The following KDM1B variants were observed in gnomAD, a reference collection of about 807,000 sequenced individuals.
KDM1B encodes lysine-specific histone demethylase 2.
In KDM1B, 63 loss-of-function variants were observed where a neutral mutation model predicts 107.4. The observed-to-expected ratio is 0.59, with a 90% CI of 0.48 to 0.72. KDM1B has a LOEUF of 0.72. KDM1B is among the 30% of genes least tolerant of loss of function. The pLI is 0.00. For missense variants in KDM1B, 749 were observed against 1,020.8 expected, an observed-to-expected ratio of 0.73 and a Z score of 3.63; for synonymous variants, 363 against 363.9, an observed-to-expected ratio of 1.00 and a Z score of 0.03.
rs537752989 is a variant in KDM1B at position 18,214,139 on chromosome 6, TATGATTGGTGA to T, written c.2109+359_2109+369del. Among the ~76,000 whole-genome samples the T allele has an allele frequency of 4.0e-4, 61 of 152,046 alleles. No homozygotes were observed. The South Asian group carries it at 0.012, about 31-fold the overall frequency. On this transcript the variant is annotated intron_variant, in intron 19 of 21. Coordinates refer to ENST00000650836, the MANE Select transcript of KDM1B (RefSeq NM_001364614.2). The surrounding 1 kb of genome is among the most constrained non-coding windows in gnomAD (Gnocchi z 4.4). ...TCCTCTAGGGAGCTGGGAAAGGGTGTATGATTGGTGAGGGAGGGTGTGAGTGTCAGCAGATG... is the reference window on the plus strand; with the variant it reads ...TCCTCTAGGGAGCTGGGAAAGGGTGTGGGAGGGTGTGAGTGTCAGCAGATG...
At chr6:18,221,128 TCCC>T (rs1323192808) in intron 21 of KDM1B, among the ~76,000 whole-genome samples, 1 of 152,036 alleles carries the variant, frequency 6.6e-6, no homozygotes, top group Non-Finnish European at 1.5e-5. Context: ...ATGTAATCAC[TCCC>T]CCATTCATTG....
chr6:18,179,454 A>G (rs1203074122), intron 7 of KDM1B, among the ~76,000 whole-genome samples: 4 of 152,014 alleles, frequency 2.6e-5, no homozygotes, highest in African/African-American at 9.7e-5. Context: ...TAGGTTTGAT[A>G]TTACTTCTTT....
chr6:18,164,713 T>G (rs967132479), intron 5 of KDM1B, among the ~76,000 whole-genome samples: 6 of 152,166 alleles, frequency 3.9e-5, no homozygotes, highest in Non-Finnish European at 8.8e-5. Context: ...TGGCGTGATC[T>G]TGGCTCACTG....
chr6:18,195,981 C>T (rs1306299788), intron 10 of KDM1B, among the ~76,000 whole-genome samples: 1 of 152,066 alleles, frequency 6.6e-6, no homozygotes, highest in Non-Finnish European at 1.5e-5. Context: ...ACCAACATCT[C>T]CCCGCTATTC....
At chr6:18,198,104 C>T (rs900242185) in intron 12 of KDM1B, among the ~76,000 whole-genome samples, 18 of 152,036 alleles carry the variant, frequency 1.2e-4, no homozygotes, top group Middle Eastern at 3.4e-3. Context: ...CCGTGTTGGC[C>T]AGGCCGGTCT....
At chr6:18,156,910 C>T (rs926654221) in intron 2 of KDM1B, among the ~76,000 whole-genome samples, 2 of 152,012 alleles carry the variant, frequency 1.3e-5, no homozygotes, top group Non-Finnish European at 2.9e-5. Flanking sequence ...GAGGAAGACT[C>T]CGTCTCAAAA....
intron 7 of KDM1B, among the ~76,000 whole-genome samples, chr6:18,177,700 C>T (rs1407776200): frequency 1.3e-5 from 2 of 152,054 alleles, no homozygotes; most frequent in African/African-American, 4.8e-5. Context: ...TTAGCCACCG[C>T]ACCTGGCACC....
intron 7 of KDM1B, among the ~76,000 whole-genome samples, chr6:18,180,676 C>A (rs1171691441): frequency 6.6e-6 from 1 of 152,106 alleles, no homozygotes; most frequent in African/African-American, 2.4e-5. Context: ...AGCGATTCTC[C>A]CACGTCAGCC....
chr6:18,185,243 G>A (rs1786778287), intron 7 of KDM1B, among the ~76,000 whole-genome samples: 1 of 151,340 alleles, frequency 6.6e-6, no homozygotes, highest in African/African-American at 2.4e-5. Flanking sequence ...GTTGTTATAT[G>A]CCTTTATTTT....
intron 7 of KDM1B, among the ~76,000 whole-genome samples, chr6:18,174,183 G>A (rs1016676642): frequency 6.6e-6 from 1 of 152,180 alleles, no homozygotes; most frequent in Non-Finnish European, 1.5e-5. Context: ...ATGCTCTGCT[G>A]TCATGATTAT....
chr6:18,206,809 C>T (rs535433947), intron 15 of KDM1B, among the ~76,000 whole-genome samples: 3 of 152,170 alleles, frequency 2.0e-5, no homozygotes, highest in East Asian at 1.9e-4. Context: ...ACACTGCTCT[C>T]GAGAAGCCAA....
chr6:18,179,851 T>TAGATA (rs1297671272), intron 7 of KDM1B, among the ~76,000 whole-genome samples: 1 of 10,554 alleles, frequency 9.5e-5, no homozygotes. Flanking sequence ...TTTTTTTTCC[T>TAGATA]TTTTTTTTTT....
rs1582238101 is a variant in KDM1B at position 18,222,519 on chromosome 6, T to C, written c.*527T>C. The C allele has an allele frequency of 5.3e-6, 1 of 187,618 alleles. No homozygotes were observed. The highest frequency in any genetic ancestry group is 1.1e-5 in the Non-Finnish European group (1 of 89,196). The allele number at this position is 187,618 out of a possible 1,614,324, so 11.6% of individuals were successfully genotyped here. ...ACTTTTTTTTGGATACAGCACAAACTCCAGTTGACAGTAAAATGAAGCTTC... is the reference window on the plus strand; with the variant it reads ...ACTTTTTTTTGGATACAGCACAAACCCCAGTTGACAGTAAAATGAAGCTTC... On this transcript the variant is annotated 3_prime_UTR_variant, in exon 22 of 22. Transcript: ENST00000650836.
In KDM1B at chr6:18,221,893, T is replaced by C; in HGVS notation, c.2386-16T>C. On this transcript the variant is annotated splice_polypyrimidine_tract_variant and intron_variant, in intron 21 of 21. Transcript: ENST00000650836. ...ACTCTATGCATGATCTCAAATTATG[T>C]AATTATGTTTTACAGGCAACAAACA... The C allele has an allele frequency of 6.3e-7, 1 of 1,581,686 alleles. No individual in the cohort carries two copies. The highest frequency in any genetic ancestry group is 1.1e-5 in the South Asian group (1 of 87,556).
chr6:18,223,696 T>C lies in KDM1B; in HGVS notation c.*1704T>C, dbSNP rs1789972102. 6.6e-6 allele frequency: 1 copy of C among 152,182 alleles called. No homozygotes were observed. Among genetic ancestry groups the C allele is most frequent in the African/African-American group, 2.4e-5 (1 of 41,434 alleles). The allele number at this position is 152,182 out of a possible 1,614,324, so 9.4% of individuals were successfully genotyped here. ...ATTTGATTTTTTGTTTAAGAAGCCA[T>C]GGTACTTTTTTCTTGAGTTACTTTG... On this transcript the variant is annotated 3_prime_UTR_variant, in exon 22 of 22. Transcript: ENST00000650836.
chr6:18,200,636 T>A lies in KDM1B; in HGVS notation c.1359+60T>A. On this transcript the variant is annotated intron_variant, in intron 13 of 21. Transcript: ENST00000650836. The surrounding 1 kb of genome is among the most constrained non-coding windows in gnomAD (Gnocchi z 4.3). ...GAAAGAAAAACAGTTTCAATTTGCT[T>A]GTGTGCAGTATTAATATGCTTCTAA... 6.5e-7 allele frequency: 1 copy of A among 1,536,778 alleles called. No individual in the cohort carries two copies.
In KDM1B at chr6:18,217,760, G is replaced by C. The variant is rs570708510; in HGVS notation, c.2260G>C (p.Val754Leu). 1 of 1,612,678 alleles carries C rather than the reference G, an allele frequency of 6.2e-7. No homozygotes were observed. The highest frequency in any genetic ancestry group is 1.1e-5 in the South Asian group (1 of 91,012). The part of the protein sequence containing the change: ...QEVPDPTKYF[V>L]TRWSTDPWIQ... ...GGTCCCAGATCCCACAAAGTATTTT[G>C]TCACTCGGTGGAGCACAGACCCATG... is the stretch of plus-strand genomic sequence containing the variant. The change falls in exon 21 of 22, where the codon GTC becomes CTC. Residue 754 changes from valine to leucine, a missense_variant. Coordinates refer to ENST00000650836, the MANE Select transcript of KDM1B (RefSeq NM_001364614.2).
chr6:18,169,060 C>T lies in KDM1B; in HGVS notation c.418-2303C>T, dbSNP rs1217293614. On this transcript the variant is annotated intron_variant, in intron 6 of 21. Transcript: ENST00000650836. The stretch of plus-strand genomic sequence containing the variant: ...CTAATTTTTGTATTTTTAGTAGAGA[C>T]GGAGTTTCATCATGTTGGCCAGGCT... 2.6e-5 allele frequency among the ~76,000 whole-genome samples: 4 copies of T among 151,580 alleles called. 1 individual carries two copies. The highest frequency in any genetic ancestry group is 7.3e-5 in the African/African-American group (3 of 41,268).
In KDM1B at chr6:18,217,842, T is replaced by C. The variant is rs765200597; in HGVS notation, c.2342T>C (p.Ile781Thr). Residue 781 changes from isoleucine to threonine, a missense_variant, in exon 21 of 22, where the codon ATC (isoleucine) becomes ACC (threonine). Ile to Thr is a moderately conservative substitution (Grantham distance 89). Coordinates refer to ENST00000650836, the MANE Select transcript of KDM1B (RefSeq NM_001364614.2). ...GGTGGAAGTGGGGAGGCCTACGATA[T>C]CATTGCTGAAGACATTCAAGGAACC... Reference protein sequence around the residue: ...KTGGSGEAYDIIAEDIQGTVF... With the variant: ...KTGGSGEAYDTIAEDIQGTVF... The C allele has an allele frequency of 1.7e-5, 27 of 1,613,902 alleles. 1 individual carries two copies. The highest frequency in any genetic ancestry group is 1.6e-4 in the Middle Eastern group (1 of 6,080).
Sources: allele counts gnomAD v4.1 joint callset (sites outside exome capture counted in the v4.1 genomes callset), GRCh38; gene constraint gnomAD v4.1.1; non-coding constraint Gnocchi (gnomAD v3.1); transcripts MANE v1.5; gene names NCBI Gene and HGNC (gene_info 2026-07-23, HGNC 2026-07-21).